The following GCH1 variants were observed in gnomAD, a reference collection of about 807,000 sequenced individuals.
GCH1 encodes the protein GTP cyclohydrolase I.
In GCH1, 5 loss-of-function variants were observed where a neutral mutation model predicts 25.9. That is an observed-to-expected ratio of 0.19 (90% CI 0.10 to 0.41). The LOEUF (loss-of-function observed/expected upper bound fraction) is 0.41, where lower values mean the gene tolerates loss of function less well. GCH1 is among the 10% of genes least tolerant of loss of function. The pLI is 1.00. For synonymous variants in GCH1, 159 were observed against 129.6 expected (o/e 1.23, Z -1.54); for missense variants, 261 against 336.5 (o/e 0.78, Z 1.75).
chr14:54,877,396 T>C lies in GCH1; in HGVS notation c.344-11960A>G, dbSNP rs41298426. On this transcript the variant is annotated intron_variant, in intron 1 of 5. Coordinates refer to ENST00000491895, the MANE Select transcript of GCH1 (RefSeq NM_000161.3). ...TCATGTCATTCATAATTAAGCAATG[T>C]CAACAAATAACACTGCTGGGTAACA... 9.9e-3 allele frequency among the ~76,000 whole-genome samples: 1,502 copies of C among 152,348 alleles called. 13 individuals are homozygous for C. Among genetic ancestry groups the C allele is most frequent in the Non-Finnish European group, 0.016 (1,058 of 68,028 alleles).
At chr14:54,848,269 T>A (rs550821626) in intron 3 of GCH1, among the ~76,000 whole-genome samples, 56 of 152,114 alleles carry the variant, frequency 3.7e-4, no homozygotes, top group African/African-American at 1.4e-3. Flanking sequence ...CCTGAGTAGC[T>A]GGGACTATAG....
rs148153897 is a variant in GCH1, at chr14:54,876,118, T to C, written c.344-10682A>G. 9.0e-4 allele frequency among the ~76,000 whole-genome samples: 137 copies of C among 152,174 alleles called. 1 individual carries two copies. The highest frequency in any genetic ancestry group is 2.4e-3 in the African/African-American group (100 of 41,530). On this transcript the variant is annotated intron_variant, in intron 1 of 5. Coordinates refer to ENST00000491895, the MANE Select transcript of GCH1 (RefSeq NM_000161.3). ...AACCCAAATGTCCAACAATGATAGA[T>C]TGGATTAAGAAAATGTGGCACATAT...
chr14:54,853,379 C>T (rs2140053610), intron 3 of GCH1, among the ~76,000 whole-genome samples: 1 of 152,218 alleles, frequency 6.6e-6, no homozygotes, highest in East Asian at 1.9e-4. Context: ...TTTCTTTTTC[C>T]TGCTCTTCCT....
intron 1 of GCH1, among the ~76,000 whole-genome samples, chr14:54,870,787 A>G (rs2040062235): frequency 6.6e-6 from 1 of 152,250 alleles, no homozygotes; most frequent in Admixed American, 6.5e-5. Context: ...GCAAGGCGGC[A>G]GCGAGGCTGG....
At chr14:54,881,157 T>C (rs2040266769) in intron 1 of GCH1, among the ~76,000 whole-genome samples, 2 of 151,898 alleles carry the variant, frequency 1.3e-5, no homozygotes, top group Non-Finnish European at 2.9e-5. Flanking sequence ...AAGGTCTTCA[T>C]ACACATGCTG....
chr14:54,843,152 T>C lies in GCH1; in HGVS notation c.*865A>G. On this transcript the variant is annotated 3_prime_UTR_variant, in exon 6 of 6. Coordinates refer to ENST00000491895, the MANE Select transcript of GCH1 (RefSeq NM_000161.3). ...AGAAGAAGAAACATTTTGAGGCATCTACATGGATCACACAAAGGAAACTCA... is the reference window on the plus strand; with the variant it reads ...AGAAGAAGAAACATTTTGAGGCATCCACATGGATCACACAAAGGAAACTCA... The C allele has an allele frequency of 2.6e-6, 4 of 1,517,592 alleles. No individual in the cohort carries two copies. The highest frequency in any genetic ancestry group is 1.3e-5 in the South Asian group (1 of 79,260). 94.0% of individuals were successfully genotyped at this position (1,517,592 alleles called of 1,614,324 possible). A position where few individuals can be genotyped will look rare whatever the true frequency, so the allele number is the denominator to read the frequency against.
chr14:54,856,481 T>G (rs1398270875), intron 3 of GCH1, among the ~76,000 whole-genome samples: 2 of 152,032 alleles, frequency 1.3e-5, no homozygotes, highest in Non-Finnish European at 2.9e-5. Context: ...TGACACAGAG[T>G]CTTGCTCTGT....
At chr14:54,873,625 AG>A (rs2040114258) in intron 1 of GCH1, among the ~76,000 whole-genome samples, 1 of 152,016 alleles carries the variant, frequency 6.6e-6, no homozygotes, top group African/African-American at 2.4e-5. Context: ...AAAAGAGAGA[AG>A]AATCAAATAG....
In GCH1 at chr14:54,866,544, G is replaced by T. The variant is rs2039992163; in HGVS notation, c.344-1108C>A. On this transcript the variant is annotated intron_variant, in intron 1 of 5. Transcript: ENST00000491895. ...CGTAGCTGAGTAATTTCAAGGATTT[G>T]GGGGATATGCAATATACATAATAGA... Among the ~76,000 whole-genome samples, 3 of 151,766 alleles carry T rather than the reference G, an allele frequency of 2.0e-5. No homozygotes were observed. The South Asian group carries it at 6.3e-4, about 32-fold the overall frequency.
At position 54,902,234 on chromosome 14, in the gene GCH1, T is replaced by A. The variant is rs1013570413; in HGVS notation, c.343+87A>T. 14 of 1,431,170 alleles carry A rather than the reference T, an allele frequency of 9.8e-6. No homozygotes were observed. In the African/African-American group the frequency reaches 2.0e-4, roughly 20 times the overall value. The allele number at this position is 1,431,170 out of a possible 1,614,324, so 88.7% of individuals were successfully genotyped here. The stretch of plus-strand genomic sequence containing the variant: ...CTTCCTGCGCCAAAAGTGAGGCAAC[T>A]CCGGAAACTTCCTGGAGCCGGCGCG... On this transcript the variant is annotated intron_variant, in intron 1 of 5. Coordinates refer to ENST00000491895, the MANE Select transcript of GCH1 (RefSeq NM_000161.3).
intron 1 of GCH1, chr14:54,884,783 A>ACAC (rs2040324445): frequency 7.0e-6 from 1 of 143,210 alleles, no homozygotes; most frequent in African/African-American, 2.9e-5. Context: ...AACAACAACA[A>ACAC]CAACAACAAC....
intron 1 of GCH1, among the ~76,000 whole-genome samples, chr14:54,887,188 A>T (rs2040363921): frequency 6.6e-6 from 1 of 152,232 alleles, no homozygotes; most frequent in Admixed American, 6.5e-5. Context: ...AACATTTTTT[A>T]AAAAGGAACT....
intron 2 of GCH1, among the ~76,000 whole-genome samples, chr14:54,860,332 G>A (rs1046191962): frequency 6.6e-6 from 1 of 152,046 alleles, no homozygotes; most frequent in African/African-American, 2.4e-5. Context: ...TGATCTCATA[G>A]CAACACTAAA....
intron 1 of GCH1, among the ~76,000 whole-genome samples, chr14:54,871,788 G>C (rs1555360601): frequency 8.7e-5 from 13 of 149,034 alleles, no homozygotes; most frequent in African/African-American, 9.9e-5. Context: ...AAGAAGAGAA[G>C]TTTAGAGAAA....
chr14:54,860,668 G>A lies in GCH1; in HGVS notation c.454-932C>T, dbSNP rs370281533. 1.9e-4 allele frequency among the ~76,000 whole-genome samples: 29 copies of A among 151,806 alleles called. No homozygotes were observed. The East Asian group carries it at 4.3e-3, about 22-fold the overall frequency. On this transcript the variant is annotated intron_variant, in intron 2 of 5. Coordinates refer to ENST00000491895, the MANE Select transcript of GCH1 (RefSeq NM_000161.3). ...CAATTCCCCTGCCTTAGCCTCCTGAGTAGCCGGGACTACAGGCGCCTGCCA... is the reference window on the plus strand; with the variant it reads ...CAATTCCCCTGCCTTAGCCTCCTGAATAGCCGGGACTACAGGCGCCTGCCA...
intron 3 of GCH1, among the ~76,000 whole-genome samples, chr14:54,849,830 C>T (rs2039698105): frequency 6.6e-6 from 1 of 152,130 alleles, no homozygotes; most frequent in Admixed American, 6.5e-5. Flanking sequence ...ACCTTTCTTC[C>T]CAATCACCGT....
At chr14:54,857,935 T>C (rs974321595) in intron 3 of GCH1, among the ~76,000 whole-genome samples, 9 of 152,214 alleles carry the variant, frequency 5.9e-5, no homozygotes, top group African/African-American at 1.9e-4. Context: ...AGCTATGATA[T>C]AATATTCTTT....
intron 4 of GCH1, among the ~76,000 whole-genome samples, chr14:54,846,385 C>A (rs1431284172): frequency 6.6e-6 from 1 of 151,988 alleles, no homozygotes; most frequent in South Asian, 2.1e-4. Flanking sequence ...CTGATGAAAC[C>A]CCCCAGTATC....
chr14:54,857,399 T>A (rs996317809), intron 3 of GCH1, among the ~76,000 whole-genome samples: 1 of 152,230 alleles, frequency 6.6e-6, no homozygotes, highest in Non-Finnish European at 1.5e-5. Flanking sequence ...AAAGTGTTAA[T>A]CATGATCAAC....
Sources: gnomAD v4.1 joint callset for allele counts (sites outside exome capture counted in the v4.1 genomes callset) on GRCh38, gnomAD v4.1.1 for gene constraint, MANE v1.5 for transcripts, NCBI Gene and HGNC (gene_info 2026-07-23, HGNC 2026-07-21) for gene names.